The following EPHB1 variants were observed in gnomAD, a reference collection of about 807,000 sequenced individuals.
EPHB1 encodes the protein EPH receptor B1, also known as ephrin type-B receptor 1.
Under a neutral mutation model 94.4 loss-of-function variants are expected in EPHB1, and 30 were observed. That is an observed-to-expected ratio of 0.32 (90% CI 0.24 to 0.43). The LOEUF (loss-of-function observed/expected upper bound fraction) is 0.43, where lower values mean the gene tolerates loss of function less well. EPHB1 is among the 20% of genes least tolerant of loss of function. The pLI is 1.00. For missense variants in EPHB1, 1,055 were observed against 1,308.3 expected, an observed-to-expected ratio of 0.81 and a Z score of 2.99; for synonymous variants, 522 against 489.1, an observed-to-expected ratio of 1.07 and a Z score of -0.89.
At chr3:134,893,689 A>G (rs2038031475) in intron 1 of EPHB1, among the ~76,000 whole-genome samples, 2 of 152,340 alleles carry the variant, frequency 1.3e-5, no homozygotes, top group African/African-American at 4.8e-5. Flanking sequence ...TTCTTCTAGG[A>G]AATATTTTCA....
chr3:135,079,956 A>G (rs1157493378), intron 3 of EPHB1, among the ~76,000 whole-genome samples: 1 of 152,122 alleles, frequency 6.6e-6, no homozygotes, highest in Non-Finnish European at 1.5e-5. Flanking sequence ...GGAACTTAGG[A>G]GTGCCCCTGG....
At chr3:135,053,021 G>GTATATATATATATA (rs1400909264) in intron 3 of EPHB1, among the ~76,000 whole-genome samples, 3 of 68,824 alleles carry the variant, frequency 4.4e-5, no homozygotes, top group African/African-American at 2.2e-4. Context: ...ATATGTGTGT[G>GTATATATATATATA]TGTGTGTATA....
chr3:134,999,642 T>C (rs559313226), intron 3 of EPHB1, among the ~76,000 whole-genome samples: 108 of 152,312 alleles, frequency 7.1e-4, no homozygotes, highest in African/African-American at 2.5e-3. Context: ...GAAGAAGGGC[T>C]GGGCACAGCC....
chr3:135,149,249 ATT>A (rs1208028505), intron 5 of EPHB1, among the ~76,000 whole-genome samples: 4 of 152,140 alleles, frequency 2.6e-5, no homozygotes, highest in Non-Finnish European at 5.9e-5. Flanking sequence ...CTTTATTTTC[ATT>A]TCTTTCTCTC....
chr3:134,829,543 T>A (rs1156680965), intron 1 of EPHB1, among the ~76,000 whole-genome samples: 3 of 152,096 alleles, frequency 2.0e-5, no homozygotes, highest in African/African-American at 4.8e-5. Context: ...TGTTTATCTT[T>A]GCAAAAAACT....
At chr3:135,027,511 T>C (rs1936231492) in intron 3 of EPHB1, among the ~76,000 whole-genome samples, 1 of 149,252 alleles carries the variant, frequency 6.7e-6, no homozygotes, top group Non-Finnish European at 1.5e-5. Context: ...ATATGCTGGA[T>C]TACATTTATT....
chr3:134,829,465 A>C (rs951337838), intron 1 of EPHB1, among the ~76,000 whole-genome samples: 1 of 152,178 alleles, frequency 6.6e-6, no homozygotes, highest in Admixed American at 6.5e-5. Flanking sequence ...GTCTCTGAGA[A>C]GGCATCCCCT....
Position 134,827,220 on chromosome 3 carries a change from A to G in EPHB1, c.58+31531A>G, listed in dbSNP as rs549026795. Among the ~76,000 whole-genome samples the G allele has an allele frequency of 2.0e-4, 31 of 152,232 alleles. 1 individual carries two copies. ...TTACTTACAAATTCACACAATTACT[A>G]TATGGTAATGCTGGGATCTGGCCAG... is the stretch of plus-strand genomic sequence containing the variant. On this transcript the variant is annotated intron_variant, in intron 1 of 15. Coordinates refer to ENST00000398015, the MANE Select transcript of EPHB1 (RefSeq NM_004441.5).
At chr3:134,965,962 C>T (rs1933728503) in intron 3 of EPHB1, among the ~76,000 whole-genome samples, 2 of 152,206 alleles carry the variant, frequency 1.3e-5, no homozygotes, top group Admixed American at 1.3e-4. Context: ...CTCTTCAGAT[C>T]TTTTCCCATC....
At chr3:135,062,483 A>G (rs1319836233) in intron 3 of EPHB1, among the ~76,000 whole-genome samples, 1 of 152,036 alleles carries the variant, frequency 6.6e-6, no homozygotes, top group Non-Finnish European at 1.5e-5. Flanking sequence ...GGCCATTTGT[A>G]TATTTCTTTT....
intron 13 of EPHB1, among the ~76,000 whole-genome samples, chr3:135,245,127 G>T (rs762750585): frequency 1.4e-4 from 21 of 152,266 alleles, no homozygotes; most frequent in Non-Finnish European, 2.8e-4. Flanking sequence ...TCCCTTCTTT[G>T]CTGGGAAGAC....
In EPHB1 at chr3:134,877,799, C is replaced by A. The variant is rs551142157; in HGVS notation, c.59-48017C>A. ...CATACCCGTGGTTTCGGCCCCATAACCTGGAGGGCCTGGGGATGCTGTGCC... is the reference window on the plus strand; with the variant it reads ...CATACCCGTGGTTTCGGCCCCATAAACTGGAGGGCCTGGGGATGCTGTGCC... On this transcript the variant is annotated intron_variant, in intron 1 of 15. Coordinates refer to ENST00000398015, the MANE Select transcript of EPHB1 (RefSeq NM_004441.5). 1.1e-4 allele frequency among the ~76,000 whole-genome samples: 16 copies of A among 152,250 alleles called. No homozygotes were observed. The South Asian group carries it at 3.3e-3, about 32-fold the overall frequency.
At position 134,875,399 on chromosome 3, in the gene EPHB1, G is replaced by C. The variant is rs1246773813; in HGVS notation, c.59-50417G>C. 7.9e-5 allele frequency among the ~76,000 whole-genome samples: 12 copies of C among 152,200 alleles called. 1 individual carries two copies. Among genetic ancestry groups the C allele is most frequent in the Admixed American group, 7.9e-4 (12 of 15,284 alleles). On this transcript the variant is annotated intron_variant, in intron 1 of 15. Coordinates refer to ENST00000398015, the MANE Select transcript of EPHB1 (RefSeq NM_004441.5). Reference sequence around the variant, plus strand: ...CACTACCGGCAATGGAGACGGGCATGTGGGCAGTATGAGAGGTCTCAGTCC... The same window carrying C: ...CACTACCGGCAATGGAGACGGGCATCTGGGCAGTATGAGAGGTCTCAGTCC...
chr3:135,155,055 G>T (rs373176257), intron 6 of EPHB1, among the ~76,000 whole-genome samples: 73 of 152,290 alleles, frequency 4.8e-4, no homozygotes, highest in African/African-American at 1.7e-3. Flanking sequence ...ACTATTCTAG[G>T]ATATATTAGT....
At chr3:134,807,663 G>GT (rs1042284356) in intron 1 of EPHB1, among the ~76,000 whole-genome samples, 2 of 152,092 alleles carry the variant, frequency 1.3e-5, no homozygotes, top group African/African-American at 4.8e-5. Flanking sequence ...TTCTGTGTCT[G>GT]TATCTGTCAA....
chr3:134,879,038 G>A (rs938781052), intron 1 of EPHB1, among the ~76,000 whole-genome samples: 1 of 152,196 alleles, frequency 6.6e-6, no homozygotes, highest in Non-Finnish European at 1.5e-5. Flanking sequence ...AAAGGGGCAT[G>A]CCACTCCATG....
intron 1 of EPHB1, among the ~76,000 whole-genome samples, chr3:134,815,682 C>T (rs959675094): frequency 8.5e-5 from 13 of 152,156 alleles, no homozygotes; most frequent in African/African-American, 1.9e-4. Context: ...TTTATATTCC[C>T]ACAATGCTGT....
intron 3 of EPHB1, among the ~76,000 whole-genome samples, chr3:135,083,024 C>T (rs777872024): frequency 2.6e-5 from 4 of 152,164 alleles, no homozygotes; most frequent in Non-Finnish European, 5.9e-5. Context: ...GGGAACTCCT[C>T]AGGCAGCCAG....
intron 3 of EPHB1, among the ~76,000 whole-genome samples, chr3:134,990,814 C>A (rs899162960): frequency 2.6e-5 from 4 of 152,160 alleles, no homozygotes; most frequent in Non-Finnish European, 4.4e-5. Context: ...GTTGAATCTG[C>A]ACATGTGGAA....
Sources: allele counts gnomAD v4.1 joint callset (sites outside exome capture counted in the v4.1 genomes callset), GRCh38; gene constraint gnomAD v4.1.1; transcripts MANE v1.5; gene names NCBI Gene and HGNC (gene_info 2026-07-23, HGNC 2026-07-21).